Variants in EIF4EBP1 observed in about 807,000 individuals in gnomAD.
EIF4EBP1 encodes the protein eukaryotic translation initiation factor 4E-binding protein 1.
Under a neutral mutation model 9.2 loss-of-function variants are expected in EIF4EBP1, and 5 were observed. The observed-to-expected ratio is 0.54, with a 90% confidence interval of 0.28 to 1.14. The LOEUF is 1.14. EIF4EBP1 is among the 50% of genes most tolerant of loss of function. EIF4EBP1 has a pLI of 0.09. For missense variants in EIF4EBP1, 139 were observed against 169.6 expected, an observed-to-expected ratio of 0.82 and a Z score of 1.00; for synonymous variants, 62 against 67.0, an observed-to-expected ratio of 0.93 and a Z score of 0.36.
intron 1 of EIF4EBP1, among the ~76,000 whole-genome samples, chr8:38,036,756 C>T (rs974543101): frequency 5.3e-5 from 8 of 151,754 alleles, no homozygotes; most frequent in Non-Finnish European, 8.8e-5. Flanking sequence ...TCAAGCAATC[C>T]TCCCATCTCA....
intron 1 of EIF4EBP1, among the ~76,000 whole-genome samples, chr8:38,036,823 A>AT (rs991041541): frequency 2.0e-5 from 3 of 151,846 alleles, no homozygotes; most frequent in Non-Finnish European, 4.4e-5. Flanking sequence ...TAATTTTTGT[A>AT]TTTTTTGGTA....
rs1809633963 is a variant in EIF4EBP1, at chr8:38,059,001, T to C, written c.326-903T>C. The stretch of plus-strand genomic sequence containing the variant: ...TGGGAGGCTGAGGCCAGAGGATCAT[T>C]TGAGCCCAGGAGGTCAAGGCTGCAG... On this transcript the variant is annotated intron_variant, in intron 2 of 2. Coordinates refer to ENST00000338825, the MANE Select transcript of EIF4EBP1 (RefSeq NM_004095.4). Among the ~76,000 whole-genome samples, 3 of 152,030 alleles carry C rather than the reference T, an allele frequency of 2.0e-5. No individual in the cohort carries two copies. The South Asian group carries it at 6.2e-4, about 32-fold the overall frequency.
chr8:38,039,698 CT>C (rs2130383745), intron 1 of EIF4EBP1, among the ~76,000 whole-genome samples: 1 of 152,262 alleles, frequency 6.6e-6, no homozygotes, highest in East Asian at 1.9e-4. Context: ...GCCACTGCAC[CT>C]GGCCCTAAAT....
chr8:38,035,855 G>A (rs868396077), intron 1 of EIF4EBP1, among the ~76,000 whole-genome samples: 5 of 145,672 alleles, frequency 3.4e-5, no homozygotes, highest in African/African-American at 7.7e-5. Flanking sequence ...GTTTACAGGC[G>A]CGCTACCACG....
rs532699338 is a variant in EIF4EBP1, at chr8:38,044,743, A to G, written c.146-12338A>G. Among the ~76,000 whole-genome samples the G allele has an allele frequency of 2.6e-5, 4 of 152,248 alleles. No individual in the cohort carries two copies. In the South Asian group the frequency reaches 6.2e-4, roughly 24 times the overall value. ...GCATGATCCAGCCTTGCTAATTTTAAACAGTAGGAGGCATTTAGGATTGGA... is the reference window on the plus strand; with the variant it reads ...GCATGATCCAGCCTTGCTAATTTTAGACAGTAGGAGGCATTTAGGATTGGA... On this transcript the variant is annotated intron_variant, in intron 1 of 2. Transcript: ENST00000338825.
At chr8:38,031,956 G>A (rs111887159) in intron 1 of EIF4EBP1, among the ~76,000 whole-genome samples, 1,576 of 152,308 alleles carry the variant, frequency 0.01, 20 homozygotes, top group African/African-American at 0.035. Flanking sequence ...GGAAAAGCTC[G>A]CAGGGGCTCT....
chr8:38,044,556 A>G (rs1478199909), intron 1 of EIF4EBP1, among the ~76,000 whole-genome samples: 1 of 152,220 alleles, frequency 6.6e-6, no homozygotes, highest in Non-Finnish European at 1.5e-5. Context: ...CTCCTGCCTC[A>G]GCCTCTGGAG....
chr8:38,051,526 C>T (rs1240454893), intron 1 of EIF4EBP1, among the ~76,000 whole-genome samples: 1 of 152,100 alleles, frequency 6.6e-6, no homozygotes, highest in African/African-American at 2.4e-5. Context: ...CCCCAGTGTA[C>T]AGAGGGGTCC....
chr8:38,041,006 C>T (rs1012603016), intron 1 of EIF4EBP1, among the ~76,000 whole-genome samples: 25 of 152,054 alleles, frequency 1.6e-4, no homozygotes, highest in African/African-American at 6.0e-4. Context: ...TACCATGTTG[C>T]CCATGCTGGT....
At chr8:38,034,780 G>GA (rs1809275917) in intron 1 of EIF4EBP1, among the ~76,000 whole-genome samples, 1 of 152,224 alleles carries the variant, frequency 6.6e-6, no homozygotes, top group Non-Finnish European at 1.5e-5. Context: ...CATGAAACAG[G>GA]CAGTGCTGGG....
At chr8:38,048,876 C>A (rs1247881223) in intron 1 of EIF4EBP1, among the ~76,000 whole-genome samples, 1 of 151,908 alleles carries the variant, frequency 6.6e-6, no homozygotes, top group Non-Finnish European at 1.5e-5. Flanking sequence ...TGCCTGTAAT[C>A]CCTGCACTTT....
Position 38,056,150 on chromosome 8 carries a change from G to T in EIF4EBP1, c.146-931G>T, listed in dbSNP as rs761529007. 2.0e-5 allele frequency among the ~76,000 whole-genome samples: 3 copies of T among 151,616 alleles called. 1 individual carries two copies. Among genetic ancestry groups the T allele is most frequent in the Admixed American group, 1.3e-4 (2 of 15,192 alleles). On this transcript the variant is annotated intron_variant, in intron 1 of 2. Transcript: ENST00000338825. ...GGGACTACAGGCACGTACCCATCAT[G>T]CCCGACTCATTTTAACATTTTTGTA...
intron 1 of EIF4EBP1, among the ~76,000 whole-genome samples, chr8:38,033,189 C>T (rs1809249566): frequency 6.6e-6 from 1 of 151,638 alleles, no homozygotes; most frequent in South Asian, 2.1e-4. Flanking sequence ...CCCAGCCTCC[C>T]CAATAACTGG....
At chr8:38,032,960 T>C (rs1319910671) in intron 1 of EIF4EBP1, among the ~76,000 whole-genome samples, 1 of 151,940 alleles carries the variant, frequency 6.6e-6, no homozygotes, top group Non-Finnish European at 1.5e-5. Flanking sequence ...CTCTCAGTCT[T>C]CCAGGTGCTT....
intron 1 of EIF4EBP1, among the ~76,000 whole-genome samples, chr8:38,031,802 T>C (rs947827933): frequency 5.9e-5 from 9 of 152,210 alleles, no homozygotes; most frequent in African/African-American, 2.2e-4. Context: ...CCTGCCGTCT[T>C]ATTCTACAGA....
intron 1 of EIF4EBP1, among the ~76,000 whole-genome samples, chr8:38,045,746 C>G (rs1312582279): frequency 6.6e-6 from 1 of 151,886 alleles, no homozygotes; most frequent in Non-Finnish European, 1.5e-5. Context: ...GAAATATTTC[C>G]TTACTTTTTT....
intron 1 of EIF4EBP1, among the ~76,000 whole-genome samples, chr8:38,032,450 A>G (rs1449042369): frequency 6.6e-6 from 1 of 152,234 alleles, no homozygotes; most frequent in African/African-American, 2.4e-5. Context: ...GTAGTGAGCT[A>G]TGATTGACCA....
intron 2 of EIF4EBP1, among the ~76,000 whole-genome samples, chr8:38,058,751 C>A (rs756284555): frequency 6.6e-6 from 1 of 152,160 alleles, no homozygotes; most frequent in Non-Finnish European, 1.5e-5. Context: ...AACAAGTTAT[C>A]TACTTTCAAA....
chr8:38,030,963 A>G (rs923264969), intron 1 of EIF4EBP1, among the ~76,000 whole-genome samples: 8 of 152,012 alleles, frequency 5.3e-5, no homozygotes, highest in Non-Finnish European at 1.0e-4. Context: ...GACAGCTGAC[A>G]CCTAACAAAC....
Sources: gnomAD v4.1 joint callset for allele counts (sites outside exome capture counted in the v4.1 genomes callset) on GRCh38, gnomAD v4.1.1 for gene constraint, MANE v1.5 for transcripts, NCBI Gene and HGNC (gene_info 2026-07-23, HGNC 2026-07-21) for gene names.